BOD1L1: variants seen among roughly 807,000 people sequenced by gnomAD.
BOD1L1 encodes biorientation of chromosomes in cell division protein 1-like 1.
BOD1L1 carries 86 observed loss-of-function variants against 240.7 expected under a neutral mutation model. That is an observed-to-expected ratio of 0.36 (90% confidence interval 0.30 to 0.43). The LOEUF (loss-of-function observed/expected upper bound fraction) is 0.43, where lower values mean the gene tolerates loss of function less well. Among genes scored for constraint, BOD1L1 ranks in the 20% least tolerant of loss-of-function variants. The pLI, the probability that BOD1L1 is intolerant of heterozygous loss-of-function variation, is 1.00. For missense variants in BOD1L1, 3,554 were observed against 3,643.5 expected (o/e 0.98, Z 0.63); for synonymous variants, 1,268 against 1,272.3 (o/e 1.00, Z 0.07).
chr4:13,625,483 C>G (rs996818117), intron 1 of BOD1L1: 1 of 152,054 alleles, frequency 6.6e-6, no homozygotes, highest in Non-Finnish European at 1.5e-5. Context: ...AGACACATAC[C>G]AATAACATTT....
chr4:13,594,751 T>C (rs913565818), intron 12 of BOD1L1, among the ~76,000 whole-genome samples: 3 of 151,906 alleles, frequency 2.0e-5, no homozygotes, highest in Non-Finnish European at 4.4e-5. Context: ...AAAAATTAGC[T>C]GGGCATGGTG....
rs942699502 is a variant in BOD1L1 at position 13,569,542 on chromosome 4, A to C, written c.*469T>G. ...ATTTAAAAAAAAAATAAAGTAAAAT[A>C]AACAGATATATAGTAAAGTTCACAG... On this transcript the variant is annotated 3_prime_UTR_variant, in exon 26 of 26. Coordinates refer to ENST00000040738, the MANE Select transcript of BOD1L1 (RefSeq NM_148894.3). 1 of 152,258 alleles carries C rather than the reference A, an allele frequency of 6.6e-6. No individual in the cohort carries two copies. The highest frequency in any genetic ancestry group is 2.4e-5 in the African/African-American group (1 of 41,460). The allele number at this position is 152,258 out of a possible 1,614,324, so 9.4% of individuals were successfully genotyped here.
At chr4:13,622,093 A>T (rs1382569710) in intron 1 of BOD1L1, among the ~76,000 whole-genome samples, 1 of 152,002 alleles carries the variant, frequency 6.6e-6, no homozygotes, top group Non-Finnish European at 1.5e-5. Flanking sequence ...TTGAACTCCT[A>T]ACCTCAAGTG....
At chr4:13,595,404 T>C (rs1181353372) in intron 12 of BOD1L1, among the ~76,000 whole-genome samples, 1 of 152,176 alleles carries the variant, frequency 6.6e-6, no homozygotes. Flanking sequence ...ACAGAGAGAC[T>C]GAGATGAGGT....
chr4:13,603,065 C>T lies in BOD1L1; in HGVS notation c.3835G>A (p.Asp1279Asn). The T allele has an allele frequency of 1.9e-6, 3 of 1,613,988 alleles. No homozygotes were observed. Among genetic ancestry groups the T allele is most frequent in the Non-Finnish European group, 1.7e-6 (2 of 1,179,890 alleles). The change falls in exon 10 of 26, where the codon GAC becomes AAC. Residue 1279 changes from aspartate (D) to asparagine (N), a missense_variant. Physicochemically the swap from Asp to Asn is conservative, Grantham distance 23. Coordinates refer to ENST00000040738, the MANE Select transcript of BOD1L1 (RefSeq NM_148894.3). ...DATLEHSTNLDSSPSLSSVTV... is the reference protein window; with the variant it reads ...DATLEHSTNLNSSPSLSSVTV... ...ACTGAACTTAAGGATGGTGAGGAGTCTAAATTTGTGGAATGTTCAAGAGTG... is the reference window on the plus strand; with the variant it reads ...ACTGAACTTAAGGATGGTGAGGAGTTTAAATTTGTGGAATGTTCAAGAGTG...
chr4:13,593,800 A>T (rs1714404091), intron 12 of BOD1L1, among the ~76,000 whole-genome samples: 1 of 152,232 alleles, frequency 6.6e-6, no homozygotes. Context: ...ATCCAACTAC[A>T]GTAGACATTA....
At chr4:13,620,199 C>T in intron 1 of BOD1L1, 132 bp from the exon 2 acceptor site, 1 of 931,606 alleles carries the variant, frequency 1.1e-6, no homozygotes, top group Admixed American at 3.1e-5. Context: ...ATAACTTACA[C>T]TCATTCAAAT....
intron 15 of BOD1L1, 131 bp downstream of exon 15, chr4:13,588,591 T>C: frequency 2.9e-6 from 2 of 693,184 alleles, no homozygotes; most frequent in East Asian, 2.8e-5. Flanking sequence ...AAAAGTGACA[T>C]GTGGAACTCT....
In BOD1L1 at chr4:13,601,740, T is replaced by A; in HGVS notation, c.5160A>T (p.Lys1720Asn). The change falls in exon 10 of 26, where the codon AAA (lysine) becomes AAT (asparagine). Residue 1720 changes from lysine (K) to asparagine (N), a missense_variant. Physicochemically the swap from Lys to Asn is moderately conservative, Grantham distance 94 (BLOSUM62 0). Around this residue, in one of 2 missense-constraint regions of BOD1L1, gnomAD observed 3,393 missense variants for 3,427.1 expected, o/e 0.99. Coordinates refer to ENST00000040738, the MANE Select transcript of BOD1L1 (RefSeq NM_148894.3). The part of the protein sequence containing the change: ...SQGNMMRMGP[K>N]KETEGTVTCT... ...ATGTCACAGTGCCCTCTGTTTCTTT[T>A]TTGGGACCCATTCTCATCATATTTC... 6.2e-7 allele frequency: 1 copy of A among 1,614,000 alleles called. No homozygotes were observed. Among genetic ancestry groups the A allele is most frequent in the Non-Finnish European group, 8.5e-7 (1 of 1,179,882 alleles).
intron 1 of BOD1L1, among the ~76,000 whole-genome samples, 186 bp from the exon 2 acceptor site, chr4:13,620,253 A>C (rs1285274101): frequency 1.3e-5 from 2 of 152,246 alleles, no homozygotes; most frequent in East Asian, 1.9e-4. Context: ...GATATGAGGA[A>C]TATAAAGAAG....
rs375571416 is a variant in BOD1L1 at position 13,597,092 on chromosome 4, T to G, written c.8019+12A>C. The G allele has an allele frequency of 2.2e-5, 34 of 1,577,214 alleles. No homozygotes were observed. The Admixed American group carries it at 6.2e-4, about 29-fold the overall frequency. On this transcript the variant is annotated intron_variant, in intron 11 of 25. Transcript: ENST00000040738. The stretch of plus-strand genomic sequence containing the variant: ...CACTTACAGTTCAGCACAGCTGAAT[T>G]ATAAGCCATACCTCCATTTTCAAGT...
chr4:13,610,240 G>A (rs1716052233), intron 6 of BOD1L1, among the ~76,000 whole-genome samples: 1 of 152,024 alleles, frequency 6.6e-6, no homozygotes, highest in African/African-American at 2.4e-5. Flanking sequence ...TTAATTCAGT[G>A]GTACATTTTA....
rs895945265 is a variant in BOD1L1 at position 13,627,670 on chromosome 4, G to A, written c.-83C>T. The A allele has an allele frequency of 1.9e-6, 2 of 1,026,680 alleles. No individual in the cohort carries two copies. Among genetic ancestry groups the A allele is most frequent in the African/African-American group, 1.7e-5 (1 of 58,382 alleles). 63.6% of individuals were successfully genotyped at this position (1,026,680 alleles called of 1,614,324 possible). On this transcript the variant is annotated 5_prime_UTR_variant, in exon 1 of 26. Coordinates refer to ENST00000040738, the MANE Select transcript of BOD1L1 (RefSeq NM_148894.3). ...CGGCTGCACTGGTCCCGCCGCCTGA[G>A]GGAAGCCAACGGGATGTTGTTACGG...
At position 13,582,325 on chromosome 4, in the gene BOD1L1, G is replaced by T; in HGVS notation, c.8519-15C>A. 1 of 1,608,826 alleles carries T rather than the reference G, an allele frequency of 6.2e-7. No individual in the cohort carries two copies. Among genetic ancestry groups the T allele is most frequent in the South Asian group, 1.1e-5 (1 of 90,698 alleles). ...GCTATATTCATCTGTAGAAAAGGAA[G>T]AACTTTGTTCAATGCTAGTGACCAT... On this transcript the variant is annotated splice_polypyrimidine_tract_variant and intron_variant, in intron 18 of 25. Transcript: ENST00000040738.
intron 21 of BOD1L1, 33 bp downstream of exon 21, chr4:13,580,987 T>C (rs760199292): frequency 3.2e-6 from 5 of 1,554,190 alleles, no homozygotes; most frequent in Non-Finnish European, 3.5e-6. Context: ...TAAGAGCAAG[T>C]ATTTGAAATT....
At chr4:13,611,249 C>A in intron 5 of BOD1L1, 149 bp from the exon 6 acceptor site, 1 of 564,400 alleles carries the variant, frequency 1.8e-6, no homozygotes, top group East Asian at 3.0e-5. Flanking sequence ...CTTTTAAAAG[C>A]TATAATTCAT....
At position 13,603,684 on chromosome 4, in the gene BOD1L1, T is replaced by G; in HGVS notation, c.3216A>C (p.Glu1072Asp). ...MEKKLSRRLC[E>D]NRRGSLSQEM... The stretch of plus-strand genomic sequence containing the variant: ...CTTGTGACAAGCTTCCTCTCCGATT[T>G]TCGCACAACCTTCTACTTAATTTCT... The change falls in exon 10 of 26, where the codon GAA becomes GAC. Residue 1072 changes from glutamate (E) to aspartate (D), a missense_variant. Physicochemically the swap from Glu to Asp is conservative, Grantham distance 45. Coordinates refer to ENST00000040738, the MANE Select transcript of BOD1L1 (RefSeq NM_148894.3). 1.2e-6 allele frequency: 2 copies of G among 1,614,004 alleles called. No individual in the cohort carries two copies. The highest frequency in any genetic ancestry group is 1.7e-6 in the Non-Finnish European group (2 of 1,179,874).
chr4:13,590,723 G>C (rs576985257), intron 13 of BOD1L1, among the ~76,000 whole-genome samples: 151 of 152,216 alleles, frequency 9.9e-4, no homozygotes, highest in Non-Finnish European at 1.8e-3. Flanking sequence ...AAAATTTTCT[G>C]AATTCCATAA....
intron 25 of BOD1L1, among the ~76,000 whole-genome samples, chr4:13,570,874 G>A (rs551171324): frequency 1.3e-5 from 2 of 152,238 alleles, no homozygotes; most frequent in South Asian, 2.1e-4. Context: ...ATCCCCCACA[G>A]AGAAATGTGA....
Sources: gnomAD v4.1 joint callset for allele counts (sites outside exome capture counted in the v4.1 genomes callset) on GRCh38, gnomAD v4.1.1 for gene constraint, gnomAD v4.1.1 regional missense constraint, MANE v1.5 for transcripts, NCBI Gene and HGNC (gene_info 2026-07-23, HGNC 2026-07-21) for gene names.